Variants in ANK1 observed in about 807,000 individuals in gnomAD.
The protein encoded by ANK1 is ankyrin-1.
In ANK1, 51 loss-of-function variants were observed where a neutral mutation model predicts 210.4. That is an observed-to-expected ratio of 0.24 (90% CI 0.19 to 0.31). The LOEUF (loss-of-function observed/expected upper bound fraction) is 0.31. Ranked by LOEUF, ANK1 falls within the 10% of genes least tolerant of loss-of-function variation. The pLI is 1.00. For missense variants in ANK1, 2,051 were observed against 2,504.4 expected (o/e 0.82, Z 3.86); for synonymous variants, 967 against 1,025.9 (o/e 0.94, Z 1.10).
At chr8:41,709,039 C>A in intron 16 of ANK1, 64 bp from the exon 17 acceptor site, 10 of 1,596,130 alleles carry the variant, frequency 6.3e-6, no homozygotes, top group Non-Finnish European at 8.6e-6. Flanking sequence ...TATCAACACA[C>A]AAGCAGGGGC....
chr8:41,873,689 G>C (rs2150826733), intron 1 of ANK1, among the ~76,000 whole-genome samples: 1 of 152,320 alleles, frequency 6.6e-6, no homozygotes, highest in Non-Finnish European at 1.5e-5. Flanking sequence ...GGTATTTTCA[G>C]GGGTCAGCAG....
intron 2 of ANK1, among the ~76,000 whole-genome samples, chr8:41,734,590 A>G (rs751439424): frequency 2.6e-5 from 4 of 152,170 alleles, no homozygotes; most frequent in African/African-American, 4.8e-5. Flanking sequence ...TAGAAAAATC[A>G]GTATTAAAAT....
chr8:41,820,467 A>C (rs1804067915), intron 1 of ANK1, among the ~76,000 whole-genome samples: 1 of 151,976 alleles, frequency 6.6e-6, no homozygotes, highest in South Asian at 2.1e-4. Flanking sequence ...AAGCACTGGG[A>C]TTACAGGAAT....
intron 22 of ANK1, among the ~76,000 whole-genome samples, chr8:41,701,283 T>G (rs894297332): frequency 6.6e-6 from 1 of 152,238 alleles, no homozygotes; most frequent in Non-Finnish European, 1.5e-5. Flanking sequence ...TTCATACACA[T>G]CCATAATCTA....
intron 20 of ANK1, among the ~76,000 whole-genome samples, chr8:41,703,420 G>GTATATATATATATATA (rs1431513474): frequency 5.9e-5 from 3 of 51,120 alleles, no homozygotes; most frequent in Admixed American, 5.8e-4. Flanking sequence ...GTGTGTGTGT[G>GTATATATATATATATA]TGTATATATA....
At chr8:41,817,360 C>T (rs1038491295) in intron 1 of ANK1, among the ~76,000 whole-genome samples, 1 of 152,184 alleles carries the variant, frequency 6.6e-6, no homozygotes, top group Non-Finnish European at 1.5e-5. Context: ...GAAGTTTTTG[C>T]AAACATCTTG....
At chr8:41,740,747 G>A (rs1199636412) in intron 2 of ANK1, among the ~76,000 whole-genome samples, 1 of 152,202 alleles carries the variant, frequency 6.6e-6, no homozygotes, top group African/African-American at 2.4e-5. Context: ...GTGAGTGCTG[G>A]ATAAGCCAGC....
intron 1 of ANK1, among the ~76,000 whole-genome samples, chr8:41,833,116 G>C (rs1806983599): frequency 6.6e-6 from 1 of 152,204 alleles, no homozygotes; most frequent in Non-Finnish European, 1.5e-5. Context: ...AGGCACACCA[G>C]CCTGAGCACC....
chr8:41,773,023 G>C (rs1843255548), intron 1 of ANK1, among the ~76,000 whole-genome samples: 1 of 152,210 alleles, frequency 6.6e-6, no homozygotes, highest in Non-Finnish European at 1.5e-5. Flanking sequence ...CCACACAAAT[G>C]TCACATTGAA....
chr8:41,661,361 G>A (rs998484088), intron 42 of ANK1, 69 bp downstream of exon 42: 3 of 1,592,200 alleles, frequency 1.9e-6, no homozygotes, highest in Non-Finnish European at 2.6e-6. Flanking sequence ...GAGGGGATAG[G>A]GTGAGACAGG....
At chr8:41,801,580 G>A (rs1849866506), upstream of ANK1, among the ~76,000 whole-genome samples, 1 of 152,176 alleles carries the variant, frequency 6.6e-6, no homozygotes, top group Non-Finnish European at 1.5e-5. Flanking sequence ...ATGGTATGGT[G>A]TGGTGCTTTT....
chr8:41,736,075 C>CT (rs1410738464), intron 2 of ANK1, among the ~76,000 whole-genome samples: 3 of 152,188 alleles, frequency 2.0e-5, no homozygotes, highest in Admixed American at 2.0e-4. Context: ...GGGTCCAAAG[C>CT]TGTGTGGATT....
Position 41,845,828 on chromosome 8 carries a change from C to T in ANK1, c.126+50527G>A, listed in dbSNP as rs1694555399. 2.6e-5 allele frequency among the ~76,000 whole-genome samples: 4 copies of T among 152,224 alleles called. No homozygotes were observed. The South Asian group carries it at 8.3e-4, about 32-fold the overall frequency. ...GCTACTTCCATAAACATACCAAAACCGTTTTCAGCTTCCCATGCGGAAAGT... is the reference window on the plus strand; with the variant it reads ...GCTACTTCCATAAACATACCAAAACTGTTTTCAGCTTCCCATGCGGAAAGT... On this transcript the variant is annotated intron_variant, in intron 1 of 42. Coordinates refer to the ANK1 transcript ENST00000265709.
chr8:41,715,321 A>C (rs1465884630), intron 14 of ANK1, among the ~76,000 whole-genome samples: 1 of 152,252 alleles, frequency 6.6e-6, no homozygotes, highest in Non-Finnish European at 1.5e-5. Flanking sequence ...ATTGCTGGCT[A>C]GCTGAGGGCA....
chr8:41,689,423 C>A (rs964883265), intron 33 of ANK1, among the ~76,000 whole-genome samples: 5 of 152,130 alleles, frequency 3.3e-5, no homozygotes, highest in Non-Finnish European at 1.5e-5. Context: ...CCTCTGCGCC[C>A]AGCCTGAAAA....
intron 1 of ANK1, among the ~76,000 whole-genome samples, chr8:41,808,025 C>A (rs1274989183): frequency 6.6e-6 from 1 of 152,024 alleles, no homozygotes; most frequent in Non-Finnish European, 1.5e-5. Flanking sequence ...GAGAAGGACT[C>A]CTTCTGGAGA....
chr8:41,894,879 C>G (rs1820169281), intron 1 of ANK1, among the ~76,000 whole-genome samples: 1 of 151,392 alleles, frequency 6.6e-6, no homozygotes, highest in African/African-American at 2.4e-5. Context: ...AACCCAAACT[C>G]TGATTCATCA....
chr8:41,886,451 T>A (rs1818454351), intron 1 of ANK1, among the ~76,000 whole-genome samples: 1 of 152,192 alleles, frequency 6.6e-6, no homozygotes, highest in Admixed American at 6.5e-5. Context: ...TCCATCTCAC[T>A]CCACAGGCCA....
At position 41,670,022 on chromosome 8, in the gene ANK1, CT is replaced by C. The variant is rs377183299; in HGVS notation, c.5097-1459del. Among the ~76,000 whole-genome samples, 34 of 152,256 alleles carry C rather than the reference CT, an allele frequency of 2.2e-4. No homozygotes were observed. The East Asian group carries it at 5.2e-3, about 23-fold the overall frequency. On this transcript the variant is annotated intron_variant, in intron 38 of 42. Coordinates refer to ENST00000289734, the MANE Select transcript of ANK1 (RefSeq NM_000037.4). Reference sequence around the variant, plus strand: ...CAGCTGGCACTCATGCAGGCCTCCCCTGGCCACCCATCTGTAATTCCAGTCA... The same window carrying C: ...CAGCTGGCACTCATGCAGGCCTCCCCGGCCACCCATCTGTAATTCCAGTCA...
Sources: gnomAD v4.1 joint callset for allele counts (sites outside exome capture counted in the v4.1 genomes callset) on GRCh38, gnomAD v4.1.1 for gene constraint, MANE v1.5 for transcripts, NCBI Gene and HGNC (gene_info 2026-07-23, HGNC 2026-07-21) for gene names.